PLD2: variants seen among roughly 807,000 people sequenced by gnomAD.
PLD2 encodes choline phosphatase 2.
In PLD2, 101 loss-of-function variants were observed where a neutral mutation model predicts 119.8. That is an observed-to-expected ratio of 0.84 (90% CI 0.72 to 0.99). PLD2 has a LOEUF of 0.99. Among genes scored for constraint, PLD2 ranks in the 50% least tolerant of loss-of-function variants. The pLI is 0.00. For synonymous variants in PLD2, 494 were observed against 482.8 expected (o/e 1.02, Z -0.30); for missense variants, 1,164 against 1,226.8 (o/e 0.95, Z 0.76).
chr17:4,810,998 C>T, intron 10 of PLD2, 47 bp downstream of exon 10: 1 of 1,560,430 alleles, frequency 6.4e-7, no homozygotes, highest in South Asian at 1.2e-5. Context: ...CTTTCTTGAC[C>T]CCCTGTGTAA....
At chr17:4,811,620 C>T (rs1906491275) in intron 10 of PLD2, among the ~76,000 whole-genome samples, 1 of 152,146 alleles carries the variant, frequency 6.6e-6, no homozygotes, top group East Asian at 1.9e-4. Context: ...CTGGCAGTAA[C>T]ACACAGTCCT....
Position 4,814,859 on chromosome 17 carries a change from C to T in PLD2, c.1173+148C>T, listed in dbSNP as rs73341612. On this transcript the variant is annotated intron_variant, in intron 12 of 24. Coordinates refer to ENST00000263088, the MANE Select transcript of PLD2 (RefSeq NM_002663.5). ...TGGCCCAGCACCTGTCAGACATCAC[C>T]TCCGCCCTCTCCCTCTGCCCTAAGG... 5,282 of 714,530 alleles carry T rather than the reference C, an allele frequency of 7.4e-3. 198 individuals are homozygous for T. In the African/African-American group the frequency reaches 0.081, roughly 11 times the overall value. The allele number at this position is 714,530 out of a possible 1,614,324, so 44.3% of individuals were successfully genotyped here.
Position 4,807,961 on chromosome 17 carries a change from T to G in PLD2, c.110-23T>G. The G allele has an allele frequency of 6.2e-7, 1 of 1,606,282 alleles. No individual in the cohort carries two copies. Among genetic ancestry groups the G allele is most frequent in the Non-Finnish European group, 8.5e-7 (1 of 1,173,768 alleles). On this transcript the variant is annotated intron_variant, in intron 2 of 24. Transcript: ENST00000263088. This position sits in a 1 kb window ranked among gnomAD's most constrained non-coding sequence, Gnocchi z 5.4. ...GGCTGGGGCCTGTTGTGGTCTACAC[T>G]CCTCGACTTTCTTTCCTCCCAGCCG...
In PLD2 at chr17:4,819,106, T is replaced by C; in HGVS notation, c.2196T>C (p.Tyr732=). 6.2e-7 allele frequency: 1 copy of C among 1,614,174 alleles called. No homozygotes were observed. The highest frequency in any genetic ancestry group is 1.7e-5 in the Admixed American group (1 of 60,024). Residue 732 remains tyrosine (Y), a synonymous_variant, in exon 22 of 25, where the codon TAT becomes TAC. Coordinates refer to ENST00000263088, the MANE Select transcript of PLD2 (RefSeq NM_002663.5). This position sits in a 1 kb window ranked among gnomAD's most constrained non-coding sequence, Gnocchi z 4.2. The stretch of plus-strand genomic sequence containing the variant: ...CAGTGGGGACAGCATGGCGGGACTA[T>C]ATTTCCATCTGCGGGCTTCGTACAC... The part of the protein sequence containing the change: ...KAAMGTAWRD[Y]ISICGLRTHG...
At position 4,819,238 on chromosome 17, in the gene PLD2, C is replaced by T. The variant is rs760833346; in HGVS notation, c.2308+20C>T. ...TCATTGGTCAGTGCCGGATCTAGTC[C>T]TCTGGCAGGGAGAGGGTGTGGGGAC... On this transcript the variant is annotated intron_variant, in intron 22 of 24. Transcript: ENST00000263088. This position sits in a 1 kb window ranked among gnomAD's most constrained non-coding sequence, Gnocchi z 4.2. 2 of 1,613,226 alleles carry T rather than the reference C, an allele frequency of 1.2e-6. No homozygotes were observed. Among genetic ancestry groups the T allele is most frequent in the Admixed American group, 3.3e-5 (2 of 59,992 alleles).
At chr17:4,820,224 G>T (rs1391352077) in intron 23 of PLD2, among the ~76,000 whole-genome samples, 3 of 149,858 alleles carry the variant, frequency 2.0e-5, no homozygotes, top group Non-Finnish European at 4.4e-5. Flanking sequence ...GATTACAGGC[G>T]TGAGCCACTG....
intron 10 of PLD2, among the ~76,000 whole-genome samples, chr17:4,813,684 A>G (rs1465436477): frequency 6.6e-6 from 1 of 152,082 alleles, no homozygotes; most frequent in African/African-American, 2.4e-5. Flanking sequence ...CATGGCAAAA[A>G]CCCGTCTCTA....
intron 10 of PLD2, among the ~76,000 whole-genome samples, chr17:4,813,375 A>C (rs1231285210): frequency 6.6e-6 from 1 of 152,164 alleles, no homozygotes; most frequent in African/African-American, 2.4e-5. Context: ...AGATCATGCA[A>C]CCTCTTCTGT....
At position 4,817,199 on chromosome 17, in the gene PLD2, T is replaced by G. The variant is rs774146672; in HGVS notation, c.1755T>G (p.Ser585=). The G allele has an allele frequency of 1.2e-6, 2 of 1,613,868 alleles. No individual in the cohort carries two copies. The highest frequency in any genetic ancestry group is 2.7e-5 in the African/African-American group (2 of 74,868). ...CATACCCCTACCTGCTTCCCAAGTC[T>G]ACCAGCACGGCCAATCAGCTCCCCT... is the stretch of plus-strand genomic sequence containing the variant. ...TPTYPYLLPK[S]TSTANQLPFT... The change falls in exon 17 of 25, where the codon TCT becomes TCG. Residue 585 remains serine (S), a synonymous_variant. Transcript: ENST00000263088.
intron 14 of PLD2, among the ~76,000 whole-genome samples, chr17:4,816,404 G>A (rs1906978048): frequency 6.7e-6 from 1 of 148,746 alleles, no homozygotes; most frequent in Non-Finnish European, 1.5e-5. Flanking sequence ...AAAAAGTGCT[G>A]TCACCCACCC....
chr17:4,807,926 G>A lies in PLD2; in HGVS notation c.109+45G>A. ...GGCCCTCAGGGAGGAGAGGCGTTCG[G>A]GAGCCAGGGGGCTGGGGCCTGTTGT... On this transcript the variant is annotated intron_variant, in intron 2 of 24. Coordinates refer to ENST00000263088, the MANE Select transcript of PLD2 (RefSeq NM_002663.5). This position sits in a 1 kb window ranked among gnomAD's most constrained non-coding sequence, Gnocchi z 5.4. 1 of 1,607,264 alleles carries A rather than the reference G, an allele frequency of 6.2e-7. No homozygotes were observed. The highest frequency in any genetic ancestry group is 8.5e-7 in the Non-Finnish European group (1 of 1,174,634).
At chr17:4,809,623 G>A (rs1292175791) in intron 7 of PLD2, 68 bp from the exon 8 acceptor site, 7 of 1,608,008 alleles carry the variant, frequency 4.4e-6, no homozygotes, top group Middle Eastern at 1.6e-4. Flanking sequence ...TGAGATTGGG[G>A]CAAGCAGTGC....
chr17:4,812,682 A>G (rs11078539), intron 10 of PLD2, among the ~76,000 whole-genome samples: 46,539 of 152,024 alleles, frequency 0.31, 7,303 homozygotes, highest in African/African-American at 0.39. Flanking sequence ...ATGATTGCCT[A>G]TAGTGGGGCA....
chr17:4,816,992 C>T lies in PLD2; in HGVS notation c.1638C>T (p.Val546=), dbSNP rs774226127. The T allele has an allele frequency of 2.4e-5, 39 of 1,613,880 alleles. No individual in the cohort carries two copies. Among genetic ancestry groups the T allele is most frequent in the African/African-American group, 1.9e-4 (14 of 74,934 alleles). ...TGCCATGGCGGGACGTTGGGGTGGT[C>T]GTCCATGGCCTACCGGCCCGGGACC... The part of the protein sequence containing the change: ...PRMPWRDVGV[V]VHGLPARDLA... The change falls in exon 16 of 25, where the codon GTC becomes GTT. Residue 546 remains valine (V), a synonymous_variant. Transcript: ENST00000263088.
At chr17:4,816,896 C>A in intron 15 of PLD2, 41 bp from the exon 16 acceptor site, 1 of 1,586,226 alleles carries the variant, frequency 6.3e-7, no homozygotes, top group Non-Finnish European at 8.6e-7. Context: ...CCCAAGGAGT[C>A]CAGCCCTGAC....
intron 14 of PLD2, among the ~76,000 whole-genome samples, chr17:4,816,281 G>A (rs1296229491): frequency 6.6e-6 from 1 of 151,894 alleles, no homozygotes; most frequent in African/African-American, 2.4e-5. Context: ...TACTCGGGAG[G>A]CTGAGGCAGG....
chr17:4,820,977 A>G (rs1907619314), intron 23 of PLD2, among the ~76,000 whole-genome samples: 3 of 149,542 alleles, frequency 2.0e-5, no homozygotes, highest in South Asian at 2.1e-4. Flanking sequence ...ATCTCGGCTC[A>G]CTGCAAGCTC....
At position 4,814,532 on chromosome 17, in the gene PLD2, G is replaced by T. The variant is rs774346535; in HGVS notation, c.1094+31G>T. 156 of 1,612,766 alleles carry T rather than the reference G, an allele frequency of 9.7e-5. 1 individual carries two copies. The highest frequency in any genetic ancestry group is 1.2e-4 in the Non-Finnish European group (138 of 1,179,468). ...TGGGAAAAGGCCCCAACAACATGGG[G>T]CAGGATAGAGCCTGGGGCAGATCAG... On this transcript the variant is annotated intron_variant, in intron 11 of 24. Coordinates refer to ENST00000263088, the MANE Select transcript of PLD2 (RefSeq NM_002663.5).
rs747603491 is a variant in PLD2 at position 4,808,055 on chromosome 17, C to T, written c.181C>T (p.Pro61Ser). Reference protein sequence around the residue: ...SLKVHPLVFAPGVPVTAQVVG... With the variant: ...SLKVHPLVFASGVPVTAQVVG... The stretch of plus-strand genomic sequence containing the variant: ...GAAAGTGCACCCCTTGGTGTTCGCA[C>T]CTGGGGTCCCTGTCACAGCCCAGGT... Residue 61 changes from proline (P) to serine (S), a missense_variant, in exon 3 of 25, where the codon CCT becomes TCT. Pro to Ser is a moderately conservative substitution (Grantham distance 74). Transcript: ENST00000263088. This position sits in a 1 kb window ranked among gnomAD's most constrained non-coding sequence, Gnocchi z 4.1. 1 of 1,612,268 alleles carries T rather than the reference C, an allele frequency of 6.2e-7. No individual in the cohort carries two copies. Among genetic ancestry groups the T allele is most frequent in the Non-Finnish European group, 8.5e-7 (1 of 1,178,594 alleles).
Sources: gnomAD v4.1 joint callset for allele counts (sites outside exome capture counted in the v4.1 genomes callset) on GRCh38, gnomAD v4.1.1 for gene constraint, Gnocchi (gnomAD v3.1) non-coding constraint, MANE v1.5 for transcripts, NCBI Gene and HGNC (gene_info 2026-07-23, HGNC 2026-07-21) for gene names.